FNDC1: variants seen among roughly 807,000 people sequenced by gnomAD.
FNDC1 encodes the protein fibronectin type III domain containing 1.
In FNDC1, 96 loss-of-function variants were observed where a neutral mutation model predicts 168.0. The observed-to-expected ratio is 0.57, with a 90% CI of 0.48 to 0.68. The LOEUF (loss-of-function observed/expected upper bound fraction) is 0.68. Among genes scored for constraint, FNDC1 ranks in the 30% least tolerant of loss-of-function variants. The pLI is 0.00. For synonymous variants in FNDC1, 1,099 were observed against 1,025.9 expected, an observed-to-expected ratio of 1.07 and a Z score of -1.36; for missense variants, 2,587 against 2,482.1, an observed-to-expected ratio of 1.04 and a Z score of -0.90.
intron 4 of FNDC1, among the ~76,000 whole-genome samples, chr6:159,209,599 C>G (rs1012904054): frequency 6.6e-6 from 1 of 152,132 alleles, no homozygotes; most frequent in African/African-American, 2.4e-5. Context: ...GGCAGGAAGC[C>G]AGAGTCTCTG....
intron 18 of FNDC1, among the ~76,000 whole-genome samples, chr6:159,259,499 G>A (rs1021065854): frequency 1.6e-4 from 25 of 152,086 alleles, no homozygotes; most frequent in African/African-American, 5.6e-4. Context: ...CCTCCTTGAT[G>A]GCATAGAGGC....
chr6:159,182,590 A>G (rs1781904576), intron 1 of FNDC1, among the ~76,000 whole-genome samples: 1 of 152,144 alleles, frequency 6.6e-6, no homozygotes, highest in Non-Finnish European at 1.5e-5. Flanking sequence ...AATGCCTGAT[A>G]CCCTCACTCT....
chr6:159,256,068 C>T (rs530126723), intron 17 of FNDC1, among the ~76,000 whole-genome samples: 7 of 152,324 alleles, frequency 4.6e-5, no homozygotes, highest in Admixed American at 1.3e-4. Flanking sequence ...GACCCCTGGG[C>T]GTGTGGGGTC....
At chr6:159,217,769 A>G (rs1000880124) in intron 5 of FNDC1, among the ~76,000 whole-genome samples, 3 of 152,236 alleles carry the variant, frequency 2.0e-5, no homozygotes, top group African/African-American at 7.2e-5. Context: ...CTATTCAAGC[A>G]AAAAGGAGAC....
In FNDC1 at chr6:159,256,636, G is replaced by C; in HGVS notation, c.5174+5G>C. On this transcript the variant is annotated splice_donor_5th_base_variant and intron_variant, in intron 18 of 22. Transcript: ENST00000297267. ...GAACCTAAAGCCCAACACGAGGTAC[G>C]ATGTGTCAGTCATTTAGAAAAGATG... 6.3e-7 allele frequency: 1 copy of C among 1,592,412 alleles called. No individual in the cohort carries two copies.
At chr6:159,236,555 G>A (rs694145) in intron 12 of FNDC1, among the ~76,000 whole-genome samples, 22,565 of 152,164 alleles carry the variant, frequency 0.15, 1,972 homozygotes, top group East Asian at 0.38. Context: ...TTTTTCATTT[G>A]CCTTGACTGG....
intron 1 of FNDC1, among the ~76,000 whole-genome samples, chr6:159,174,670 A>G (rs1781728086): frequency 6.6e-6 from 1 of 152,262 alleles, no homozygotes; most frequent in Non-Finnish European, 1.5e-5. Context: ...ACTAATTAAG[A>G]GTCGAAATGG....
intron 5 of FNDC1, among the ~76,000 whole-genome samples, chr6:159,217,600 G>A (rs1782734654): frequency 6.6e-6 from 1 of 152,190 alleles, no homozygotes; most frequent in Non-Finnish European, 1.5e-5. Flanking sequence ...TCAGCCACCT[G>A]CTGAAGACTG....
chr6:159,186,565 G>A (rs1782004079), intron 1 of FNDC1, among the ~76,000 whole-genome samples: 1 of 152,244 alleles, frequency 6.6e-6, no homozygotes. Context: ...CAGCATGCCT[G>A]GCAGTTGCCT....
chr6:159,237,506 G>A (rs567016419), intron 12 of FNDC1, among the ~76,000 whole-genome samples: 4 of 152,290 alleles, frequency 2.6e-5, no homozygotes, highest in African/African-American at 9.6e-5. Context: ...AAGTTTTACA[G>A]TTCCTTAGAA....
At chr6:159,203,223 ATT>A (rs1160832925) in intron 4 of FNDC1, among the ~76,000 whole-genome samples, 1 of 152,216 alleles carries the variant, frequency 6.6e-6, no homozygotes, top group Non-Finnish European at 1.5e-5. Context: ...CAACATATGA[ATT>A]TGGCAGAGGG....
Position 159,239,502 on chromosome 6 carries a change from T to G in FNDC1, c.4181-15T>G. 1 of 1,567,960 alleles carries G rather than the reference T, an allele frequency of 6.4e-7. No individual in the cohort carries two copies. Among genetic ancestry groups the G allele is most frequent in the South Asian group, 1.2e-5 (1 of 85,316 alleles). On this transcript the variant is annotated splice_polypyrimidine_tract_variant and intron_variant, in intron 13 of 22. Coordinates refer to ENST00000297267, the MANE Select transcript of FNDC1 (RefSeq NM_032532.3). ...CTTCACCTTGTTGCATAGCTATTGG[T>G]TGATTTTGTTTCAGATCTGGAAGGG...
intron 20 of FNDC1, 126 bp from the exon 21 acceptor site, chr6:159,265,958 A>T: frequency 1.0e-6 from 1 of 989,094 alleles, no homozygotes; most frequent in Non-Finnish European, 1.5e-6. Context: ...ACACAAACAA[A>T]CAAACAAACA....
intron 1 of FNDC1, among the ~76,000 whole-genome samples, chr6:159,177,206 G>T (rs1044575076): frequency 6.6e-6 from 1 of 152,150 alleles, no homozygotes; most frequent in Admixed American, 6.5e-5. Context: ...GCTTAAAGAG[G>T]AAATAAATGG....
At chr6:159,248,930 T>C in intron 15 of FNDC1, 109 bp from the exon 16 acceptor site, 1 of 1,007,396 alleles carries the variant, frequency 9.9e-7, no homozygotes. Context: ...TGTGTCTGTC[T>C]GTCTGTCTGG....
At chr6:159,244,701 A>T (rs1388835060) in intron 14 of FNDC1, among the ~76,000 whole-genome samples, 1 of 152,184 alleles carries the variant, frequency 6.6e-6, no homozygotes, top group Non-Finnish European at 1.5e-5. Flanking sequence ...AAATAATTTT[A>T]TTGGTTAGTT....
chr6:159,200,151 T>G lies in FNDC1; in HGVS notation c.391+69T>G, dbSNP rs984839228. 1.2e-5 allele frequency: 14 copies of G among 1,129,332 alleles called. No homozygotes were observed. In the Admixed American group the frequency reaches 3.0e-4, roughly 24 times the overall value. 70.0% of individuals were successfully genotyped at this position (1,129,332 alleles called of 1,614,324 possible). A position where few individuals can be genotyped will look rare whatever the true frequency, so the allele number is the denominator to read the frequency against. On this transcript the variant is annotated intron_variant, in intron 3 of 22. Coordinates refer to ENST00000297267, the MANE Select transcript of FNDC1 (RefSeq NM_032532.3). ...ATTGGGAGAGACATCCCTCCTTGCT[T>G]CTTCCAGTAAATATAAATTTAGAGT... is the stretch of plus-strand genomic sequence containing the variant.
At chr6:159,264,087 G>A (rs570667) in intron 19 of FNDC1, among the ~76,000 whole-genome samples, 98,239 of 152,152 alleles carry the variant, frequency 0.65, 32,920 homozygotes, top group Middle Eastern at 0.75. Flanking sequence ...GGTATAAATG[G>A]CATACAGTAA....
At chr6:159,267,316 C>T (rs1473767734) in intron 21 of FNDC1, among the ~76,000 whole-genome samples, 4 of 152,112 alleles carry the variant, frequency 2.6e-5, no homozygotes, top group Non-Finnish European at 5.9e-5. Context: ...TGTGTCATAT[C>T]CCAGAATTGG....
Sources: gnomAD v4.1 joint callset for allele counts (sites outside exome capture counted in the v4.1 genomes callset) on GRCh38, gnomAD v4.1.1 for gene constraint, MANE v1.5 for transcripts, NCBI Gene and HGNC (gene_info 2026-07-23, HGNC 2026-07-21) for gene names.